ANKFN1: variants seen among roughly 807,000 people sequenced by gnomAD.
The protein encoded by ANKFN1 is ankyrin repeat and fibronectin type-III domain-containing protein 1.
ANKFN1 carries 74 observed loss-of-function variants against 108.7 expected under a neutral mutation model. That is an observed-to-expected ratio of 0.68 (90% CI 0.56 to 0.83). ANKFN1 has a LOEUF of 0.83. Ranked by LOEUF, ANKFN1 falls within the 40% of genes least tolerant of loss-of-function variation. The pLI is 0.00. For missense variants in ANKFN1, 1,505 were observed against 1,382.3 expected (o/e 1.09, Z -1.41); for synonymous variants, 547 against 516.2 (o/e 1.06, Z -0.81).
At chr17:56,314,771 C>T (rs1241428560) in intron 3 of ANKFN1, among the ~76,000 whole-genome samples, 1 of 152,126 alleles carries the variant, frequency 6.6e-6, no homozygotes, top group Non-Finnish European at 1.5e-5. Context: ...CTCAAGCTGC[C>T]CTCATCAGTA....
At chr17:56,262,046 A>G (rs1364902981) in intron 3 of ANKFN1, among the ~76,000 whole-genome samples, 4 of 152,230 alleles carry the variant, frequency 2.6e-5, no homozygotes, top group Admixed American at 2.6e-4. Flanking sequence ...AGAGATTTCC[A>G]GACCAGCTCC....
At chr17:56,324,129 A>C (rs12950466) in intron 3 of ANKFN1, among the ~76,000 whole-genome samples, 22,103 of 152,142 alleles carry the variant, frequency 0.15, 2,143 homozygotes, top group East Asian at 0.41. Flanking sequence ...GAACTAAGAG[A>C]TATTCAAAAT....
At chr17:56,091,997 G>A (rs1175061783) in intron 4 of ANKFN1, among the ~76,000 whole-genome samples, 1 of 151,418 alleles carries the variant, frequency 6.6e-6, no homozygotes, top group Non-Finnish European at 1.5e-5. Flanking sequence ...TTTCCAAATT[G>A]CTGTTACCTC....
In ANKFN1 at chr17:56,226,044, A is replaced by T. The variant is rs184143099; in HGVS notation, c.13-1873A>T. Reference sequence around the variant, plus strand: ...AATGTTCCAAATTTGTTTCCTAGCAACAGGTTCTTCAAAGGAGCTGAAGGG... The same window carrying T: ...AATGTTCCAAATTTGTTTCCTAGCATCAGGTTCTTCAAAGGAGCTGAAGGG... On this transcript the variant is annotated intron_variant, in intron 2 of 20. Coordinates refer to ENST00000682825, the MANE Select transcript of ANKFN1 (RefSeq NM_001370326.1). Among the ~76,000 whole-genome samples the T allele has an allele frequency of 3.3e-5, 5 of 152,316 alleles. No individual in the cohort carries two copies. In the East Asian group the frequency reaches 9.7e-4, roughly 29 times the overall value.
intron 4 of ANKFN1, among the ~76,000 whole-genome samples, chr17:56,052,235 A>AT (rs978813832): frequency 6.8e-4 from 104 of 151,976 alleles, no homozygotes; most frequent in Middle Eastern, 3.4e-3. Context: ...TAGATAAATG[A>AT]TTTTTTTTAG....
chr17:56,474,085 A>G (rs1395911418), intron 15 of ANKFN1, among the ~76,000 whole-genome samples: 7 of 152,218 alleles, frequency 4.6e-5, no homozygotes, highest in Admixed American at 4.6e-4. Context: ...GTTTTCCAGA[A>G]AAGCAAAACC....
At chr17:56,189,566 G>C (rs1313039164) in intron 1 of ANKFN1, among the ~76,000 whole-genome samples, 1 of 152,212 alleles carries the variant, frequency 6.6e-6, no homozygotes, top group Non-Finnish European at 1.5e-5. Flanking sequence ...AGAAGTGCAG[G>C]TGATAACCTG....
intron 3 of ANKFN1, among the ~76,000 whole-genome samples, chr17:56,311,787 A>T (rs2045034669): frequency 6.6e-6 from 1 of 152,208 alleles, no homozygotes; most frequent in Non-Finnish European, 1.5e-5. Flanking sequence ...TTGTATTTAG[A>T]CTTGGGTGAC....
chr17:56,123,335 T>C (rs746722408), intron 4 of ANKFN1, among the ~76,000 whole-genome samples: 5 of 152,184 alleles, frequency 3.3e-5, no homozygotes, highest in Admixed American at 1.3e-4. Context: ...CTCAGAGAGA[T>C]GGGGCTGAAA....
rs2045927272 is a variant in ANKFN1, at chr17:56,340,294, G to A, written c.189-10472G>A. Among the ~76,000 whole-genome samples, 3 of 152,218 alleles carry A rather than the reference G, an allele frequency of 2.0e-5. No individual in the cohort carries two copies. In the South Asian group the frequency reaches 6.2e-4, roughly 32 times the overall value. ...TGATAGTTTCTTTTGCTGTGCAGAA[G>A]CTCTTTAGTTTAATTAGATCCCACT... On this transcript the variant is annotated intron_variant, in intron 4 of 20. Transcript: ENST00000682825.
chr17:56,309,360 AT>A (rs1240317722), intron 3 of ANKFN1, among the ~76,000 whole-genome samples: 3 of 152,150 alleles, frequency 2.0e-5, no homozygotes, highest in African/African-American at 7.2e-5. Flanking sequence ...ATAGTCCCTT[AT>A]TATCCTTTTA....
intron 8 of ANKFN1, among the ~76,000 whole-genome samples, chr17:56,436,173 T>C (rs2048924132): frequency 6.6e-6 from 1 of 152,120 alleles, no homozygotes; most frequent in South Asian, 2.1e-4. Context: ...AGATAAAAAT[T>C]AAAGTTTTGT....
intron 4 of ANKFN1, among the ~76,000 whole-genome samples, chr17:56,051,835 T>G (rs9895564): frequency 6.6e-6 from 1 of 151,272 alleles, no homozygotes; most frequent in East Asian, 1.9e-4. Context: ...TCAAAGAGAA[T>G]AAAATACCTA....
intron 4 of ANKFN1, among the ~76,000 whole-genome samples, chr17:56,126,139 G>A (rs1258441773): frequency 6.6e-6 from 1 of 152,220 alleles, no homozygotes; most frequent in African/African-American, 2.4e-5. Context: ...GAATAAAGCT[G>A]CTGGTGATGC....
At chr17:56,347,967 C>A (rs115005441) in intron 4 of ANKFN1, among the ~76,000 whole-genome samples, 129 of 151,972 alleles carry the variant, frequency 8.5e-4, no homozygotes, top group African/African-American at 2.7e-3. Flanking sequence ...ATTTTGGGAA[C>A]AATAATGATG....
chr17:56,193,525 TA>T lies in ANKFN1; in HGVS notation c.-70-19064del, dbSNP rs1294759654. On this transcript the variant is annotated intron_variant, in intron 1 of 20. Transcript: ENST00000682825. ...AGTGCATAATTTATTTGTAGCGTTT[TA>T]AAAAAAAATACAGCTAGTATAATGT... is the stretch of plus-strand genomic sequence containing the variant. Among the ~76,000 whole-genome samples the T allele has an allele frequency of 4.6e-3, 679 of 147,244 alleles. 15 individuals are homozygous for T. Among genetic ancestry groups the T allele is most frequent in the Admixed American group, 0.034 (500 of 14,740 alleles).
chr17:56,461,063 G>A (rs746227397), intron 14 of ANKFN1, among the ~76,000 whole-genome samples: 3 of 152,234 alleles, frequency 2.0e-5, no homozygotes, highest in Non-Finnish European at 4.4e-5. Context: ...CCCTGTAAGT[G>A]TGGAACCCAC....
chr17:56,456,441 T>C (rs1462378802), intron 11 of ANKFN1, among the ~76,000 whole-genome samples: 2 of 147,100 alleles, frequency 1.4e-5, no homozygotes, highest in Non-Finnish European at 3.0e-5. Context: ...TCTCGCTCTG[T>C]CGCCCAGGCT....
At chr17:56,461,075 G>T (rs934430719) in intron 14 of ANKFN1, among the ~76,000 whole-genome samples, 1 of 152,222 alleles carries the variant, frequency 6.6e-6, no homozygotes, top group African/African-American at 2.4e-5. Context: ...GGAACCCACA[G>T]TGTTTTAGGG....
Sources: gnomAD v4.1 joint callset for allele counts (sites outside exome capture counted in the v4.1 genomes callset) on GRCh38, gnomAD v4.1.1 for gene constraint, MANE v1.5 for transcripts, NCBI Gene and HGNC (gene_info 2026-07-23, HGNC 2026-07-21) for gene names.